FGD6: variants seen among roughly 807,000 people sequenced by gnomAD.
FGD6 encodes the protein FYVE, RhoGEF and PH domain-containing protein 6.
Under a neutral mutation model 149.4 loss-of-function variants are expected in FGD6, and 90 were observed. That is an observed-to-expected ratio of 0.60 (90% CI 0.51 to 0.72). FGD6 has a LOEUF of 0.72. Among genes scored for constraint, FGD6 ranks in the 30% least tolerant of loss-of-function variants. The pLI, the probability that FGD6 is intolerant of heterozygous loss-of-function variation, is 0.00. For missense variants in FGD6, 1,437 were observed against 1,684.8 expected (o/e 0.85, Z 2.57); for synonymous variants, 527 against 584.0 (o/e 0.90, Z 1.41).
intron 3 of FGD6, among the ~76,000 whole-genome samples, chr12:95,171,949 A>C (rs1881001206): frequency 6.7e-6 from 1 of 149,366 alleles, no homozygotes; most frequent in African/African-American, 2.5e-5. Context: ...ATTCTTTCCC[A>C]AAATAATTTG....
intron 2 of FGD6, among the ~76,000 whole-genome samples, chr12:95,207,036 T>C (rs1592877603): frequency 6.6e-6 from 1 of 151,922 alleles, no homozygotes; most frequent in South Asian, 2.1e-4. Flanking sequence ...GCTTTGGCTG[T>C]GCCCCCACCC....
At chr12:95,142,377 T>C (rs1436956654) in intron 5 of FGD6, among the ~76,000 whole-genome samples, 1 of 151,920 alleles carries the variant, frequency 6.6e-6, no homozygotes, top group African/African-American at 2.4e-5. Flanking sequence ...ATTCCTGACC[T>C]TCTGATTCGC....
intron 8 of FGD6, among the ~76,000 whole-genome samples, chr12:95,126,695 C>T (rs1305466667): frequency 1.3e-5 from 2 of 150,050 alleles, no homozygotes; most frequent in African/African-American, 2.5e-5. Flanking sequence ...CACACCACTG[C>T]ACTCCAGCCT....
intron 5 of FGD6, among the ~76,000 whole-genome samples, chr12:95,150,483 A>T (rs935244116): frequency 6.6e-6 from 1 of 152,160 alleles, no homozygotes; most frequent in Non-Finnish European, 1.5e-5. Flanking sequence ...TGTGGTGGGG[A>T]TGTTCAGGGC....
At chr12:95,168,573 G>A (rs1207253871) in intron 3 of FGD6, among the ~76,000 whole-genome samples, 1 of 151,602 alleles carries the variant, frequency 6.6e-6, no homozygotes, top group African/African-American at 2.4e-5. Context: ...TCAGGCAAGA[G>A]AATCACTTGA....
intron 8 of FGD6, among the ~76,000 whole-genome samples, chr12:95,115,400 CT>C (rs59390285): frequency 0.044 from 5,656 of 129,130 alleles, 116 homozygotes; most frequent in Middle Eastern, 0.093. Flanking sequence ...TCCATGTCTG[CT>C]TTTTTTTTTT....
At chr12:95,133,817 A>C (rs908187787) in intron 8 of FGD6, among the ~76,000 whole-genome samples, 1 of 152,194 alleles carries the variant, frequency 6.6e-6, no homozygotes, top group Non-Finnish European at 1.5e-5. Context: ...TGTGATGCCA[A>C]ACCACTTAAT....
chr12:95,092,168 C>A (rs138829118), intron 16 of FGD6, among the ~76,000 whole-genome samples: 68 of 152,286 alleles, frequency 4.5e-4, no homozygotes, highest in Non-Finnish European at 7.1e-4. Flanking sequence ...GCTGCAGCAA[C>A]GACCACGTCT....
chr12:95,185,706 CA>C (rs1454405413), intron 2 of FGD6, among the ~76,000 whole-genome samples: 2 of 152,056 alleles, frequency 1.3e-5, no homozygotes, highest in Non-Finnish European at 2.9e-5. Context: ...TCTAAAAATA[CA>C]AAAATTAGCC....
chr12:95,148,558 ATTATATAT>A (rs1349115551), intron 5 of FGD6, among the ~76,000 whole-genome samples: 1 of 90,224 alleles, frequency 1.1e-5, no homozygotes, highest in Non-Finnish European at 2.4e-5. Flanking sequence ...TATATTATAT[ATTATATAT>A]TATATAATAC....
At chr12:95,088,312 A>C (rs1418070761) in intron 18 of FGD6, among the ~76,000 whole-genome samples, 1 of 152,146 alleles carries the variant, frequency 6.6e-6, no homozygotes, top group Non-Finnish European at 1.5e-5. Flanking sequence ...GGGTGCACTA[A>C]AATCTTAGAC....
intron 2 of FGD6, among the ~76,000 whole-genome samples, chr12:95,192,537 T>C (rs535159693): frequency 6.6e-6 from 1 of 152,312 alleles, no homozygotes; most frequent in Non-Finnish European, 1.5e-5. Flanking sequence ...TCAGGCACTG[T>C]TCTGGGCACT....
intron 20 of FGD6, among the ~76,000 whole-genome samples, chr12:95,083,807 A>G (rs546737619): frequency 1.3e-5 from 2 of 152,354 alleles, no homozygotes; most frequent in South Asian, 4.1e-4. Context: ...CTCTTCCTGA[A>G]AACAAAAATG....
At chr12:95,125,762 G>A (rs1879318782) in intron 8 of FGD6, 4 of 686,158 alleles carry the variant, frequency 5.8e-6, no homozygotes, top group Admixed American at 4.2e-5. Context: ...CCGCCAATAT[G>A]GTGTTCAGGC....
intron 2 of FGD6, among the ~76,000 whole-genome samples, chr12:95,176,521 C>T (rs905533559): frequency 1.1e-4 from 17 of 152,184 alleles, no homozygotes; most frequent in African/African-American, 3.4e-4. Flanking sequence ...CTGCAAGAAG[C>T]CACAGTTTCT....
Position 95,209,091 on chromosome 12 carries a change from T to C in FGD6, c.2193A>G (p.Ser731=). The change falls in exon 2 of 21, where the codon TCA becomes TCG. Residue 731 remains serine, a synonymous_variant. Transcript: ENST00000343958. ...SLDDQMLSRE[S]SSQAPYKSVT... ...CAGACTTGTAAGGTGCCTGAGATGATGACTCCCGGGAGAGCATTTGGTCAT... is the reference window on the plus strand; with the variant it reads ...CAGACTTGTAAGGTGCCTGAGATGACGACTCCCGGGAGAGCATTTGGTCAT... 6.2e-7 allele frequency: 1 copy of C among 1,614,178 alleles called. No individual in the cohort carries two copies.
chr12:95,173,340 G>C (rs528208205), intron 2 of FGD6, among the ~76,000 whole-genome samples: 1 of 152,260 alleles, frequency 6.6e-6, no homozygotes, highest in South Asian at 2.1e-4. Flanking sequence ...TTAGAACTAC[G>C]AGGGGCCCAG....
At chr12:95,115,170 T>C (rs1336270371) in intron 8 of FGD6, among the ~76,000 whole-genome samples, 1 of 151,712 alleles carries the variant, frequency 6.6e-6, no homozygotes, top group Non-Finnish European at 1.5e-5. Context: ...CTGACACATC[T>C]TTCTCTCACA....
intron 8 of FGD6, among the ~76,000 whole-genome samples, chr12:95,115,400 C>CTTTTTTT (rs59390285): frequency 2.3e-5 from 3 of 129,214 alleles, no homozygotes; most frequent in Admixed American, 8.2e-5. Flanking sequence ...TCCATGTCTG[C>CTTTTTTT]TTTTTTTTTT....
Sources: gnomAD v4.1 joint callset for allele counts (sites outside exome capture counted in the v4.1 genomes callset) on GRCh38, gnomAD v4.1.1 for gene constraint, MANE v1.5 for transcripts, NCBI Gene and HGNC (gene_info 2026-07-23, HGNC 2026-07-21) for gene names.